ZFYVE21: variants seen among roughly 807,000 people sequenced by gnomAD.
ZFYVE21 encodes zinc finger FYVE domain-containing protein 21.
Under a neutral mutation model 29.5 loss-of-function variants are expected in ZFYVE21, and 21 were observed. The ratio of observed to expected loss-of-function variants is 0.71; its 90% CI spans 0.50 to 1.02. ZFYVE21 has a LOEUF of 1.02. Among genes scored for constraint, ZFYVE21 ranks in the 50% least tolerant of loss-of-function variants. The probability of loss-of-function intolerance (pLI) is 0.00; values close to 1 mark genes in which losing one functional copy is unlikely to be tolerated. For synonymous variants in ZFYVE21, 151 were observed against 133.8 expected, an observed-to-expected ratio of 1.13 and a Z score of -0.89; for missense variants, 326 against 335.4, an observed-to-expected ratio of 0.97 and a Z score of 0.22.
rs1318821807 is a variant in ZFYVE21 at position 103,729,166 on chromosome 14, A to C, written c.510A>C (p.Glu170Asp). 3 of 1,614,080 alleles carry C rather than the reference A, an allele frequency of 1.9e-6. No homozygotes were observed. Among genetic ancestry groups the C allele is most frequent in the Non-Finnish European group, 2.5e-6 (3 of 1,180,004 alleles). Residue 170 changes from glutamate to aspartate, a missense_variant, in exon 5 of 7, where the codon GAA becomes GAC. Glu to Asp is a conservative substitution (Grantham distance 45). Coordinates refer to ENST00000311141, the MANE Select transcript of ZFYVE21 (RefSeq NM_024071.4). ...TTTCCACCGTGCAGATCCTCACAGA[A>C]GGCTTCCCTCCTGGAGGTAAATGCC... ...VHISTVQILT[E>D]GFPPGGGNAR...
chr14:103,723,723 C>G (rs1310452340), intron 1 of ZFYVE21, among the ~76,000 whole-genome samples: 2 of 152,216 alleles, frequency 1.3e-5, no homozygotes, highest in Admixed American at 6.5e-5. Context: ...CCCCATAGGA[C>G]TCCTTCCAGA....
chr14:103,723,074 C>T (rs1412281260), intron 1 of ZFYVE21, among the ~76,000 whole-genome samples: 12 of 152,346 alleles, frequency 7.9e-5, no homozygotes, highest in African/African-American at 2.2e-4. Context: ...CCCCTCCTGT[C>T]GGGCGCTGTG....
At chr14:103,731,364 T>G (rs1386629806) in intron 5 of ZFYVE21, 4 of 142,014 alleles carry the variant, frequency 2.8e-5, no homozygotes, top group Non-Finnish European at 3.1e-5. Context: ...CTTTGGGAGG[T>G]TAAGGCGGGC....
Position 103,727,718 on chromosome 14 carries a change from C to T in ZFYVE21, c.190-28C>T, listed in dbSNP as rs954114439. On this transcript the variant is annotated intron_variant, in intron 2 of 6. Coordinates refer to ENST00000311141, the MANE Select transcript of ZFYVE21 (RefSeq NM_024071.4). ...GGGCCGCTTGTTCCCTGCCCCTCCT[C>T]ACTGCCAATCCTCCCGCATCTGCCC... 3 of 1,597,310 alleles carry T rather than the reference C, an allele frequency of 1.9e-6. No homozygotes were observed. In the African/African-American group the frequency reaches 4.0e-5, roughly 21 times the overall value.
At chr14:103,719,189 A>G (rs972461687) in intron 1 of ZFYVE21, among the ~76,000 whole-genome samples, 3 of 152,178 alleles carry the variant, frequency 2.0e-5, no homozygotes, top group African/African-American at 7.2e-5. Context: ...GAGACAGGAG[A>G]ATCACTTGAA....
Position 103,716,690 on chromosome 14 carries a change from A to G in ZFYVE21, c.138+711A>G, listed in dbSNP as rs957690121. 9.2e-5 allele frequency among the ~76,000 whole-genome samples: 14 copies of G among 152,194 alleles called. No individual in the cohort carries two copies. Among genetic ancestry groups the G allele is most frequent in the African/African-American group, 3.4e-4 (14 of 41,448 alleles). The stretch of plus-strand genomic sequence containing the variant: ...GGCCCAGACACGGCAGGAGTTGCCC[A>G]GGCCACTCCTGCAGACATTGGGGCG... On this transcript the variant is annotated intron_variant, in intron 1 of 6. Transcript: ENST00000311141. This position sits in a 1 kb window ranked among gnomAD's most constrained non-coding sequence, Gnocchi z 4.8.
chr14:103,728,139 A>C (rs2083945588), intron 3 of ZFYVE21: 1 of 487,882 alleles, frequency 2.0e-6, no homozygotes, highest in South Asian at 2.7e-5. Context: ...TCCGCTGGGC[A>C]CGTCCATCAG....
intron 1 of ZFYVE21, among the ~76,000 whole-genome samples, chr14:103,721,515 T>C (rs1216801328): frequency 6.6e-6 from 1 of 152,226 alleles, no homozygotes; most frequent in African/African-American, 2.4e-5. Flanking sequence ...CGAGGCTGCC[T>C]CTGTGACGCC....
intron 1 of ZFYVE21, chr14:103,726,037 A>G (rs2083920526): frequency 6.6e-6 from 1 of 152,316 alleles, no homozygotes; most frequent in Non-Finnish European, 1.5e-5. Flanking sequence ...AACAAAGTCC[A>G]GCCTTGTGAG....
At position 103,716,725 on chromosome 14, in the gene ZFYVE21, G is replaced by C. The variant is rs1401797948; in HGVS notation, c.138+746G>C. 6.6e-6 allele frequency among the ~76,000 whole-genome samples: 1 copy of C among 152,208 alleles called. No homozygotes were observed. Among genetic ancestry groups the C allele is most frequent in the Non-Finnish European group, 1.5e-5 (1 of 68,034 alleles). The stretch of plus-strand genomic sequence containing the variant: ...TGCAGACATTGGGGCGTGGGCGTGG[G>C]GTCCCTGAGCCAGGCCATCCGCTGG... On this transcript the variant is annotated intron_variant, in intron 1 of 6. Transcript: ENST00000311141. This position sits in a 1 kb window ranked among gnomAD's most constrained non-coding sequence, Gnocchi z 4.8.
chr14:103,717,196 G>A (rs2083832031), intron 1 of ZFYVE21, among the ~76,000 whole-genome samples: 1 of 152,200 alleles, frequency 6.6e-6, no homozygotes, highest in Non-Finnish European at 1.5e-5. Context: ...GTCCTGGAGA[G>A]TTGAGACCAG....
In ZFYVE21 at chr14:103,727,832, C is replaced by A. The variant is rs781686429; in HGVS notation, c.276C>A (p.Pro92=). The change falls in exon 3 of 7, where the codon CCC becomes CCA. Residue 92 remains proline, a synonymous_variant. Coordinates refer to ENST00000311141, the MANE Select transcript of ZFYVE21 (RefSeq NM_024071.4). The part of the protein sequence containing the change: ...VPLRRMCFVD[P]VRQCAECALV... ...TGCGGCGCATGTGCTTTGTGGACCC[C>A]GTGCGGCAGTGCGCGGAGTGCGCCC... The A allele has an allele frequency of 6.2e-7, 1 of 1,613,048 alleles. No individual in the cohort carries two copies. Among genetic ancestry groups the A allele is most frequent in the Non-Finnish European group, 8.5e-7 (1 of 1,179,916 alleles).
chr14:103,728,840 T>C lies in ZFYVE21; in HGVS notation c.359-68T>C, dbSNP rs2151952753. 4.7e-6 allele frequency: 7 copies of C among 1,484,400 alleles called. No homozygotes were observed. In the East Asian group the frequency reaches 1.6e-4, roughly 34 times the overall value. The allele number at this position is 1,484,400 out of a possible 1,614,324, so 92.0% of individuals were successfully genotyped here. A position where few individuals can be genotyped will look rare whatever the true frequency, so the allele number is the denominator to read the frequency against. On this transcript the variant is annotated intron_variant, in intron 3 of 6. Transcript: ENST00000311141. ...CCTCTGTGCGTGCGTCTCCTACTGG[T>C]ACTCGTGGGAAGGGTTAGGTGGAAA...
intron 1 of ZFYVE21, among the ~76,000 whole-genome samples, chr14:103,720,061 C>T (rs772862903): frequency 1.3e-5 from 2 of 152,180 alleles, no homozygotes; most frequent in Non-Finnish European, 2.9e-5. Context: ...GCACGTGTTT[C>T]TAGTCCCTGA....
chr14:103,723,392 G>T lies in ZFYVE21; in HGVS notation c.139-3400G>T, dbSNP rs565146004. 3.8e-3 allele frequency among the ~76,000 whole-genome samples: 573 copies of T among 152,336 alleles called. 4 individuals carry two copies. The highest frequency in any genetic ancestry group is 0.013 in the African/African-American group (536 of 41,570). ...GCCAGCCAACGCCCACAGCCCGTGG[G>T]CAGGGAGCCCCTGGCAGAGCTGCCA... On this transcript the variant is annotated intron_variant, in intron 1 of 6. Transcript: ENST00000311141.
intron 1 of ZFYVE21, among the ~76,000 whole-genome samples, chr14:103,720,709 TCGAGGGGCC>T (rs1221961301): frequency 6.6e-6 from 1 of 151,926 alleles, no homozygotes; most frequent in East Asian, 1.9e-4. Context: ...CCTGTGACCC[TCGAGGGGCC>T]GTTCCTGTTG....
chr14:103,732,815 G>A (rs2083997234), intron 6 of ZFYVE21, 53 bp downstream of exon 6: 1 of 1,601,258 alleles, frequency 6.2e-7, no homozygotes, highest in Non-Finnish European at 8.5e-7. Context: ...ACAAAAGCTT[G>A]CCTTTCCCAG....
In ZFYVE21 at chr14:103,733,024, C is replaced by T. The variant is rs767751377; in HGVS notation, c.*6C>T. 27 of 1,614,018 alleles carry T rather than the reference C, an allele frequency of 1.7e-5. No individual in the cohort carries two copies. Among genetic ancestry groups the T allele is most frequent in the East Asian group, 1.1e-4 (5 of 44,900 alleles). On this transcript the variant is annotated 3_prime_UTR_variant, in exon 7 of 7. Coordinates refer to ENST00000311141, the MANE Select transcript of ZFYVE21 (RefSeq NM_024071.4). ...ATGAATCTCGGGACCAGTAACTCTA[C>T]GTGGGGCTGAGCTTGGAGTACGTGT...
At chr14:103,725,518 AGCTTGGAG>A (rs1006469191) in intron 1 of ZFYVE21, 2 of 152,172 alleles carry the variant, frequency 1.3e-5, no homozygotes, top group African/African-American at 4.8e-5. Context: ...AGCCCTCGGG[AGCTTGGAG>A]GCCCGGCTGG....
Sources: allele counts gnomAD v4.1 joint callset (sites outside exome capture counted in the v4.1 genomes callset), GRCh38; gene constraint gnomAD v4.1.1; non-coding constraint Gnocchi (gnomAD v3.1); transcripts MANE v1.5; gene names NCBI Gene and HGNC (gene_info 2026-07-23, HGNC 2026-07-21).